Variants in PSMB7 observed in about 807,000 individuals in gnomAD.
PSMB7 encodes the protein proteasome subunit beta type-7.
In PSMB7, 5 loss-of-function variants were observed where a neutral mutation model predicts 28.1. The ratio of observed to expected loss-of-function variants is 0.18; its 90% CI spans 0.09 to 0.37. The LOEUF (loss-of-function observed/expected upper bound fraction) is 0.37. PSMB7 is among the 10% of genes least tolerant of loss of function. The pLI is 1.00. For missense variants in PSMB7, 275 were observed against 346.2 expected (o/e 0.79, Z 1.63); for synonymous variants, 122 against 123.7 (o/e 0.99, Z 0.09).
chr9:124,415,239 G>A (rs1831074608), intron 1 of PSMB7, 125 bp downstream of exon 1: 1 of 1,084,250 alleles, frequency 9.2e-7, no homozygotes, highest in Non-Finnish European at 1.4e-6. Context: ...AGTCACACTA[G>A]CCGCGGGCCA....
chr9:124,408,069 G>A (rs760141033), intron 4 of PSMB7, among the ~76,000 whole-genome samples: 1 of 152,110 alleles, frequency 6.6e-6, no homozygotes, highest in African/African-American at 2.4e-5. Context: ...AGGCTGAGGC[G>A]AGCAGATGAC....
intron 5 of PSMB7, among the ~76,000 whole-genome samples, chr9:124,392,615 G>C (rs1254344834): frequency 6.6e-6 from 1 of 152,202 alleles, no homozygotes; most frequent in Non-Finnish European, 1.5e-5. Flanking sequence ...GCTGGCTGAT[G>C]AAATTCCTCT....
At chr9:124,413,512 G>A (rs1831053207) in intron 3 of PSMB7, among the ~76,000 whole-genome samples, 1 of 152,144 alleles carries the variant, frequency 6.6e-6, no homozygotes, top group Non-Finnish European at 1.5e-5. Flanking sequence ...ATCCAGTATG[G>A]CAGAAGAGTG....
At chr9:124,404,071 G>C (rs1427194204) in intron 5 of PSMB7, among the ~76,000 whole-genome samples, 1 of 151,690 alleles carries the variant, frequency 6.6e-6, no homozygotes, top group African/African-American at 2.4e-5. Flanking sequence ...TATATATGTG[G>C]CACAGACCGG....
chr9:124,412,008 T>C (rs1467383048), intron 4 of PSMB7, among the ~76,000 whole-genome samples: 1 of 152,124 alleles, frequency 6.6e-6, no homozygotes, highest in Non-Finnish European at 1.5e-5. Context: ...GGGTTTGTGT[T>C]TATGGGGAGG....
intron 5 of PSMB7, among the ~76,000 whole-genome samples, chr9:124,392,443 G>A (rs1002009975): frequency 6.6e-5 from 10 of 152,342 alleles, no homozygotes; most frequent in South Asian, 4.1e-4. Flanking sequence ...CGTGAATGAT[G>A]CAACCGGAAA....
intron 5 of PSMB7, among the ~76,000 whole-genome samples, chr9:124,403,159 C>A (rs1331592948): frequency 6.6e-6 from 1 of 151,974 alleles, no homozygotes; most frequent in East Asian, 1.9e-4. Context: ...GCAATTTGAC[C>A]CAGAAGCAAT....
chr9:124,415,250 C>G (rs1259318008), intron 1 of PSMB7, 114 bp downstream of exon 1: 7 of 1,192,052 alleles, frequency 5.9e-6, no homozygotes, highest in Non-Finnish European at 8.5e-6. Context: ...CCGCGGGCCA[C>G]AGGCCCCGCC....
chr9:124,403,923 ACT>A (rs1041229992), intron 5 of PSMB7, among the ~76,000 whole-genome samples: 1 of 141,422 alleles, frequency 7.1e-6, no homozygotes, highest in Non-Finnish European at 1.5e-5. Context: ...ACAGGGTCTC[ACT>A]CTGTTGCCCA....
chr9:124,407,574 C>CTAAA lies in PSMB7; in HGVS notation c.396-2143_396-2142insTTTA, dbSNP rs549982558. ...TTTAAATAAAGTTAATAATAATCAG[C>CTAAA]TACTTGCCTTCTAAGCTAAAATATC... On this transcript the variant is annotated intron_variant, in intron 4 of 7. Transcript: ENST00000259457. Among the ~76,000 whole-genome samples the CTAAA allele has an allele frequency of 1.8e-4, 28 of 152,320 alleles. No individual in the cohort carries two copies. In the East Asian group the frequency reaches 4.4e-3, roughly 24 times the overall value.
chr9:124,397,849 T>G (rs1157595019), intron 5 of PSMB7, among the ~76,000 whole-genome samples: 2 of 152,218 alleles, frequency 1.3e-5, no homozygotes, highest in Non-Finnish European at 2.9e-5. Context: ...GGTTTGTAGC[T>G]CACTCAAAAT....
intron 5 of PSMB7, among the ~76,000 whole-genome samples, chr9:124,390,992 T>A (rs1470967610): frequency 6.6e-6 from 1 of 152,220 alleles, no homozygotes; most frequent in Non-Finnish European, 1.5e-5. Flanking sequence ...TAGGAGGGCT[T>A]CCTTAGGACC....
At chr9:124,407,728 G>A (rs900782683) in intron 4 of PSMB7, among the ~76,000 whole-genome samples, 2 of 152,240 alleles carry the variant, frequency 1.3e-5, no homozygotes, top group East Asian at 3.9e-4. Context: ...ACAGACAAAT[G>A]TACAGAAATG....
At chr9:124,354,752 C>T (rs1564673348) in intron 7 of PSMB7, among the ~76,000 whole-genome samples, 1 of 152,198 alleles carries the variant, frequency 6.6e-6, no homozygotes, top group Non-Finnish European at 1.5e-5. Context: ...CCCCTCATCC[C>T]TCACACGCTG....
At chr9:124,407,865 A>G (rs749441631) in intron 4 of PSMB7, among the ~76,000 whole-genome samples, 1 of 152,168 alleles carries the variant, frequency 6.6e-6, no homozygotes, top group Non-Finnish European at 1.5e-5. Flanking sequence ...AATCATGCTA[A>G]GCCGAGTGTG....
intron 6 of PSMB7, among the ~76,000 whole-genome samples, chr9:124,369,841 T>G (rs1396290467): frequency 4.6e-5 from 7 of 152,204 alleles, no homozygotes; most frequent in Admixed American, 4.6e-4. Context: ...GGTGGCTTTA[T>G]AGTCTCCCAG....
chr9:124,389,044 TA>T (rs2131165656), intron 5 of PSMB7, among the ~76,000 whole-genome samples: 1 of 152,276 alleles, frequency 6.6e-6, no homozygotes, highest in Admixed American at 6.5e-5. Context: ...AAAAAAACTC[TA>T]AGCTGCCCCT....
intron 5 of PSMB7, among the ~76,000 whole-genome samples, chr9:124,404,609 T>C (rs745780829): frequency 3.0e-4 from 45 of 152,148 alleles, no homozygotes; most frequent in Non-Finnish European, 6.2e-4. Flanking sequence ...CCAAGCATTT[T>C]GGGAGGCCGA....
At chr9:124,396,672 CA>C (rs1830846488) in intron 5 of PSMB7, 1 of 434,332 alleles carries the variant, frequency 2.3e-6, no homozygotes, top group Non-Finnish European at 4.7e-6. Flanking sequence ...ACCTCATTTT[CA>C]GGAATGTCAT....
Sources: allele counts gnomAD v4.1 joint callset (sites outside exome capture counted in the v4.1 genomes callset), GRCh38; gene constraint gnomAD v4.1.1; transcripts MANE v1.5; gene names NCBI Gene and HGNC (gene_info 2026-07-23, HGNC 2026-07-21).